The following RBM38 variants were observed in gnomAD, a reference collection of about 807,000 sequenced individuals.
RBM38 encodes the protein RNA binding motif protein 38.
A neutral mutation model predicts 23.5 loss-of-function variants in RBM38; 11 were observed. That is an observed-to-expected ratio of 0.47 (90% CI 0.29 to 0.77). The LOEUF is 0.77. Among genes scored for constraint, RBM38 ranks in the 30% least tolerant of loss-of-function variants. The pLI, the probability that RBM38 is intolerant of heterozygous loss-of-function variation, is 0.08. For synonymous variants in RBM38, 165 were observed against 166.1 expected, an observed-to-expected ratio of 0.99 and a Z score of 0.05; for missense variants, 330 against 351.9, an observed-to-expected ratio of 0.94 and a Z score of 0.50.
intron 3 of RBM38, among the ~76,000 whole-genome samples, chr20:57,396,035 C>G (rs2067271679): frequency 6.6e-6 from 1 of 152,240 alleles, no homozygotes; most frequent in African/African-American, 2.4e-5. Flanking sequence ...CCCTGGACAA[C>G]TCTGAAGATC....
rs767410736 is a variant in RBM38, at chr20:57,392,726, G to A, written c.310G>A (p.Ala104Thr). Residue 104 changes from alanine to threonine, a missense_variant, in exon 2 of 4, where the codon GCC becomes ACC. Physicochemically the swap from Ala to Thr is moderately conservative, Grantham distance 58. Transcript: ENST00000356208. ...GAACCCCATCATCGACGGCCGCAAG[G>A]CCAACGTGAACCTGGCATATCTGGG... Reference protein sequence around the residue: ...DPNPIIDGRKANVNLAYLGAK... With the variant: ...DPNPIIDGRKTNVNLAYLGAK... 4 of 1,612,998 alleles carry A rather than the reference G, an allele frequency of 2.5e-6. No homozygotes were observed. The highest frequency in any genetic ancestry group is 3.4e-6 in the Non-Finnish European group (4 of 1,179,852).
At position 57,391,744 on chromosome 20, in the gene RBM38, G is replaced by C. The variant is rs1224485122; in HGVS notation, c.163G>C (p.Glu55Gln). ...TTDASLRKYF[E>Q]GFGDIEEAVV... is the part of the protein sequence containing the mutation. ...CGACGCCTCGCTCAGGAAGTACTTC[G>C]AGGGCTTCGGCGACATCGAGGAGGC... Residue 55 changes from glutamate to glutamine, a missense_variant, in exon 1 of 4, where the codon GAG becomes CAG. Glu to Gln is a conservative substitution (Grantham distance 29). Around this residue, in one of 3 missense-constraint regions of RBM38, gnomAD observed 95 missense variants for 111.9 expected, o/e 0.85. Coordinates refer to ENST00000356208, the MANE Select transcript of RBM38 (RefSeq NM_017495.6). The C allele has an allele frequency of 1.9e-6, 3 of 1,568,288 alleles. No homozygotes were observed. The East Asian group carries it at 7.3e-5, about 38-fold the overall frequency.
Position 57,407,941 on chromosome 20 carries a change from C to T in RBM38, c.*95C>T. ...GGCTGGCGACAGCCCGGCTGAGCTT[C>T]AGTGAGGTGCCACCAGCACCCGTGC... On this transcript the variant is annotated 3_prime_UTR_variant, in exon 4 of 4. Transcript: ENST00000356208. This position sits in a 1 kb window ranked among gnomAD's most constrained non-coding sequence, Gnocchi z 4.0. 7.0e-7 allele frequency: 1 copy of T among 1,432,754 alleles called. No homozygotes were observed. The allele number at this position is 1,432,754 out of a possible 1,614,324, so 88.8% of individuals were successfully genotyped here.
At chr20:57,397,725 A>C (rs1004879802) in intron 3 of RBM38, among the ~76,000 whole-genome samples, 1 of 152,266 alleles carries the variant, frequency 6.6e-6, no homozygotes, top group Non-Finnish European at 1.5e-5. Flanking sequence ...TACTCCCAGC[A>C]TCATTCATTC....
chr20:57,394,952 C>G (rs1025624835), intron 3 of RBM38, among the ~76,000 whole-genome samples: 1 of 152,236 alleles, frequency 6.6e-6, no homozygotes, highest in East Asian at 1.9e-4. Context: ...GACTCCATAC[C>G]CATCAGTGCT....
In RBM38 at chr20:57,407,942, A is replaced by T; in HGVS notation, c.*96A>T. On this transcript the variant is annotated 3_prime_UTR_variant, in exon 4 of 4. Coordinates refer to ENST00000356208, the MANE Select transcript of RBM38 (RefSeq NM_017495.6). The surrounding 1 kb of genome is among the most constrained non-coding windows in gnomAD (Gnocchi z 4.0). The stretch of plus-strand genomic sequence containing the variant: ...GCTGGCGACAGCCCGGCTGAGCTTC[A>T]GTGAGGTGCCACCAGCACCCGTGCC... 1 of 1,433,330 alleles carries T rather than the reference A, an allele frequency of 7.0e-7. No individual in the cohort carries two copies. The highest frequency in any genetic ancestry group is 9.3e-7 in the Non-Finnish European group (1 of 1,076,478). The allele number at this position is 1,433,330 out of a possible 1,614,324, so 88.8% of individuals were successfully genotyped here. A position where few individuals can be genotyped will look rare whatever the true frequency, so the allele number is the denominator to read the frequency against.
chr20:57,393,460 G>C, intron 3 of RBM38, 127 bp downstream of exon 3: 1 of 1,064,250 alleles, frequency 9.4e-7, no homozygotes, highest in African/African-American at 1.6e-5. Flanking sequence ...TTTAAGCCAA[G>C]GGAGTGAAGA....
Position 57,407,473 on chromosome 20 carries a change from A to G in RBM38, c.417-70A>G, listed in dbSNP as rs2067398043. 6.6e-7 allele frequency: 1 copy of G among 1,516,344 alleles called. No individual in the cohort carries two copies. Among genetic ancestry groups the G allele is most frequent in the Non-Finnish European group, 9.0e-7 (1 of 1,111,212 alleles). 93.9% of individuals were successfully genotyped at this position (1,516,344 alleles called of 1,614,324 possible). ...GGGTGGGGGGCGGCACGCATCGTGT[A>G]CCCCACTGTTCTCCCAGCTGTATTC... On this transcript the variant is annotated intron_variant, in intron 3 of 3. Coordinates refer to ENST00000356208, the MANE Select transcript of RBM38 (RefSeq NM_017495.6). This position sits in a 1 kb window ranked among gnomAD's most constrained non-coding sequence, Gnocchi z 4.0.
intron 3 of RBM38, among the ~76,000 whole-genome samples, chr20:57,398,024 A>T (rs2067291995): frequency 6.6e-6 from 1 of 152,152 alleles, no homozygotes; most frequent in South Asian, 2.1e-4. Context: ...TGTGTGTAGA[A>T]GATGATGCAG....
intron 3 of RBM38, among the ~76,000 whole-genome samples, chr20:57,400,696 G>A (rs966691687): frequency 1.3e-5 from 2 of 152,110 alleles, no homozygotes; most frequent in East Asian, 3.9e-4. Flanking sequence ...CTTTGCACAC[G>A]TGGTGGGATT....
intron 3 of RBM38, among the ~76,000 whole-genome samples, chr20:57,400,903 C>T (rs1568810551): frequency 6.6e-6 from 1 of 152,152 alleles, no homozygotes; most frequent in Non-Finnish European, 1.5e-5. Context: ...TGTGGCTCTG[C>T]AACCCTGGGG....
In RBM38 at chr20:57,407,463, C is replaced by T. The variant is rs1395410594; in HGVS notation, c.417-80C>T. On this transcript the variant is annotated intron_variant, in intron 3 of 3. Transcript: ENST00000356208. The surrounding 1 kb of genome is among the most constrained non-coding windows in gnomAD (Gnocchi z 4.0). ...TCGGGGCTCGGGGTGGGGGGCGGCACGCATCGTGTACCCCACTGTTCTCCC... is the reference window on the plus strand; with the variant it reads ...TCGGGGCTCGGGGTGGGGGGCGGCATGCATCGTGTACCCCACTGTTCTCCC... 15 of 1,454,622 alleles carry T rather than the reference C, an allele frequency of 1.0e-5. No homozygotes were observed. The highest frequency in any genetic ancestry group is 2.4e-5 in the East Asian group (1 of 40,970). 90.1% of individuals were successfully genotyped at this position (1,454,622 alleles called of 1,614,324 possible).
At chr20:57,406,883 A>G (rs950950279) in intron 3 of RBM38, among the ~76,000 whole-genome samples, 2 of 151,776 alleles carry the variant, frequency 1.3e-5, no homozygotes, top group Non-Finnish European at 2.9e-5. Context: ...AGTCCCAGCT[A>G]CTCAGGAGGC....
intron 3 of RBM38, among the ~76,000 whole-genome samples, chr20:57,393,849 C>T (rs1470303177): frequency 2.0e-5 from 3 of 152,186 alleles, no homozygotes; most frequent in African/African-American, 7.2e-5. Flanking sequence ...TGGAGGCCAC[C>T]TGCCTGAGTG....
At chr20:57,392,359 A>C in intron 1 of RBM38, 1 of 1,436,686 alleles carries the variant, frequency 7.0e-7, no homozygotes, top group Non-Finnish European at 9.3e-7. Flanking sequence ...CGGCCCCCCA[A>C]GCTCCCTTCG....
chr20:57,405,933 G>A (rs986195635), intron 3 of RBM38, among the ~76,000 whole-genome samples: 8 of 152,198 alleles, frequency 5.3e-5, no homozygotes, highest in African/African-American at 1.7e-4. Context: ...TGTCCCTGCC[G>A]AACGCAGGAG....
rs1428154760 is a variant in RBM38, at chr20:57,391,531, C to T, written c.-51C>T. ...GCCCCGCGCGCTCCCCGCCGCCCCC[C>T]ATGAGCGCAGCCCCGCGCGGCCCGG... is the stretch of plus-strand genomic sequence containing the variant. On this transcript the variant is annotated 5_prime_UTR_variant, in exon 1 of 4. Coordinates refer to ENST00000356208, the MANE Select transcript of RBM38 (RefSeq NM_017495.6). The T allele has an allele frequency of 1.6e-6, 1 of 629,784 alleles. No homozygotes were observed. Among genetic ancestry groups the T allele is most frequent in the Non-Finnish European group, 2.0e-6 (1 of 500,924 alleles). The allele number at this position is 629,784 out of a possible 1,614,324, so 39.0% of individuals were successfully genotyped here.
chr20:57,401,705 G>C (rs1388106548), intron 3 of RBM38, among the ~76,000 whole-genome samples: 1 of 152,228 alleles, frequency 6.6e-6, no homozygotes, highest in South Asian at 2.1e-4. Context: ...TGAGCTGTGG[G>C]AAGAAGCAAG....
intron 3 of RBM38, among the ~76,000 whole-genome samples, chr20:57,395,336 G>T: frequency 6.6e-6 from 1 of 152,142 alleles, no homozygotes; most frequent in East Asian, 1.9e-4. Context: ...GGTGGGGGAC[G>T]GTGGGAAGGG....
Sources: allele counts gnomAD v4.1 joint callset (sites outside exome capture counted in the v4.1 genomes callset), GRCh38; gene constraint gnomAD v4.1.1; regional missense constraint gnomAD v4.1.1; non-coding constraint Gnocchi (gnomAD v3.1); transcripts MANE v1.5; gene names NCBI Gene and HGNC (gene_info 2026-07-23, HGNC 2026-07-21).